Variants in PRIM2 observed in about 807,000 individuals in gnomAD.
PRIM2 encodes DNA primase subunit 2.
In PRIM2, 39 loss-of-function variants were observed where a neutral mutation model predicts 67.3. The observed-to-expected ratio is 0.58, with a 90% CI of 0.45 to 0.76. The LOEUF (loss-of-function observed/expected upper bound fraction) is 0.76. Among genes scored for constraint, PRIM2 ranks in the 30% least tolerant of loss-of-function variants. PRIM2 has a pLI of 0.00. For missense variants in PRIM2, 398 were observed against 598.7 expected (o/e 0.66, Z 3.50); for synonymous variants, 143 against 198.7 (o/e 0.72, Z 2.36).
chr6:57,256,603 A>G, the PRIM2 span, among the ~76,000 whole-genome samples: 1 of 148,976 alleles, frequency 6.7e-6, no homozygotes, highest in Admixed American at 6.8e-5. Context: ...TCCTTCTCCA[A>G]GTTTTCTTTC....
At chr6:57,536,197 C>T (rs1156379384) in intron 9 of PRIM2, among the ~76,000 whole-genome samples, 3 of 152,136 alleles carry the variant, frequency 2.0e-5, no homozygotes, top group African/African-American at 7.2e-5. Flanking sequence ...GTGAGACCTG[C>T]TCTTTCTTAT....
chr6:57,511,193 T>C (rs1385714979), intron 8 of PRIM2, among the ~76,000 whole-genome samples: 1 of 151,908 alleles, frequency 6.6e-6, no homozygotes, highest in Admixed American at 6.6e-5. Context: ...ATCTAGAATA[T>C]CGCTTAACAA....
intron 13 of PRIM2, among the ~76,000 whole-genome samples, chr6:57,635,456 T>C (rs1174457619): frequency 6.6e-6 from 1 of 152,248 alleles, no homozygotes; most frequent in African/African-American, 2.4e-5. Context: ...TAATAGTATA[T>C]TCTTTACTTT....
At chr6:57,444,548 C>T (rs1772303998) in intron 7 of PRIM2, among the ~76,000 whole-genome samples, 1 of 143,384 alleles carries the variant, frequency 7.0e-6, no homozygotes, top group Admixed American at 7.0e-5. Context: ...GCCTGGGTGA[C>T]AGGGCGAGAT....
At chr6:57,363,116 A>C (rs1769249683) in intron 5 of PRIM2, among the ~76,000 whole-genome samples, 1 of 152,150 alleles carries the variant, frequency 6.6e-6, no homozygotes, top group Non-Finnish European at 1.5e-5. Context: ...TTTCAACTAC[A>C]TTTGGGTAAA....
intron 5 of PRIM2, among the ~76,000 whole-genome samples, chr6:57,363,372 A>C (rs1028848679): frequency 6.6e-6 from 1 of 152,200 alleles, no homozygotes; most frequent in South Asian, 2.1e-4. Flanking sequence ...AAAACATTAA[A>C]TGTTCATCTT....
chr6:57,241,235 A>AG, the PRIM2 span, among the ~76,000 whole-genome samples: 1,721 of 151,186 alleles, frequency 0.011, 17 homozygotes, highest in Non-Finnish European at 0.015. Context: ...AAAAAAAAAA[A>AG]AAAGAAAAAA....
At chr6:57,431,628 C>A (rs1264167334) in intron 7 of PRIM2, among the ~76,000 whole-genome samples, 3 of 151,792 alleles carry the variant, frequency 2.0e-5, no homozygotes, top group Non-Finnish European at 2.9e-5. Flanking sequence ...GCCTGTTCGA[C>A]AGAGAAAGAC....
At chr6:57,581,965 G>A (rs1334806517) in intron 10 of PRIM2, among the ~76,000 whole-genome samples, 1 of 152,182 alleles carries the variant, frequency 6.6e-6, no homozygotes, top group Non-Finnish European at 1.5e-5. Flanking sequence ...ATCCCATGTA[G>A]CTGGGACTAC....
intron 7 of PRIM2, among the ~76,000 whole-genome samples, chr6:57,426,119 T>G (rs1206798018): frequency 6.6e-6 from 1 of 152,180 alleles, no homozygotes; most frequent in Non-Finnish European, 1.5e-5. Flanking sequence ...CTGCATAGAT[T>G]TTAAATACAC....
intron 10 of PRIM2, among the ~76,000 whole-genome samples, chr6:57,560,896 C>G (rs1193071101): frequency 6.6e-6 from 1 of 152,144 alleles, no homozygotes; most frequent in Non-Finnish European, 1.5e-5. Context: ...CGTAAGGGCC[C>G]TAGGATTTTC....
upstream of PRIM2, among the ~76,000 whole-genome samples, chr6:57,311,453 C>T (rs74564238): frequency 6.6e-6 from 1 of 151,216 alleles, no homozygotes; most frequent in Non-Finnish European, 1.5e-5. Flanking sequence ...AGAGGTGCTC[C>T]TCACTTCCTC....
chr6:57,489,392 TAAAAACACA>T (rs1357420789), intron 7 of PRIM2, among the ~76,000 whole-genome samples: 1 of 152,234 alleles, frequency 6.6e-6, no homozygotes, highest in African/African-American at 2.4e-5. Context: ...CCGTCTTTAC[TAAAAACACA>T]AAAAACTAAG....
At position 57,594,560 on chromosome 6, in the gene PRIM2, T is replaced by C. The variant is rs1483847767; in HGVS notation, c.1021-6533T>C. 6.2e-3 allele frequency among the ~76,000 whole-genome samples: 937 copies of C among 152,308 alleles called. 8 individuals are homozygous for C. Among genetic ancestry groups the C allele is most frequent in the African/African-American group, 0.021 (885 of 41,558 alleles). On this transcript the variant is annotated intron_variant, in intron 10 of 13. Transcript: ENST00000615550. The stretch of plus-strand genomic sequence containing the variant: ...ATTTGATGAGGATGCTGAAGTGATT[T>C]AATGGGAAAAAGAAAGTGTCTTCAA...
intron 5 of PRIM2, among the ~76,000 whole-genome samples, chr6:57,368,539 A>G (rs1387656069): frequency 6.6e-6 from 1 of 152,202 alleles, no homozygotes; most frequent in Non-Finnish European, 1.5e-5. Flanking sequence ...CCAGTGTACT[A>G]GACTAGTGGT....
At chr6:57,479,293 A>G (rs1346973498) in intron 7 of PRIM2, among the ~76,000 whole-genome samples, 9 of 152,236 alleles carry the variant, frequency 5.9e-5, no homozygotes, top group Non-Finnish European at 1.2e-4. Flanking sequence ...TTTCTTATAT[A>G]GTAATCCATT....
the PRIM2 span, among the ~76,000 whole-genome samples, chr6:57,291,368 CA>C: frequency 1.6e-4 from 24 of 152,038 alleles, no homozygotes; most frequent in East Asian, 3.1e-3. Context: ...GCCTACCAAC[CA>C]AAAAAAGTCT....
intron 10 of PRIM2, among the ~76,000 whole-genome samples, chr6:57,548,462 G>C (rs1406824805): frequency 7.9e-5 from 12 of 152,188 alleles, no homozygotes; most frequent in African/African-American, 2.9e-4. Context: ...AAAACTCATG[G>C]AAATGGAGGA....
chr6:57,376,392 A>T (rs1769766910), intron 5 of PRIM2, among the ~76,000 whole-genome samples: 1 of 152,202 alleles, frequency 6.6e-6, no homozygotes, highest in East Asian at 1.9e-4. Flanking sequence ...AACCCTGATG[A>T]CTAAGGAGGT....
Sources: allele counts gnomAD v4.1 joint callset (sites outside exome capture counted in the v4.1 genomes callset), GRCh38; gene constraint gnomAD v4.1.1; transcripts MANE v1.5; gene names NCBI Gene and HGNC (gene_info 2026-07-23, HGNC 2026-07-21).